PDGFRA: variants seen among roughly 807,000 people sequenced by gnomAD.
PDGFRA encodes the protein platelet derived growth factor receptor alpha.
In PDGFRA, 25 loss-of-function variants were observed where a neutral mutation model predicts 121.5. The ratio of observed to expected loss-of-function variants is 0.21; its 90% confidence interval spans 0.15 to 0.29. The LOEUF (loss-of-function observed/expected upper bound fraction) is 0.29, where lower values mean the gene tolerates loss of function less well. Ranked by LOEUF, PDGFRA falls within the 10% of genes least tolerant of loss-of-function variation. PDGFRA has a pLI of 1.00. For synonymous variants in PDGFRA, 463 were observed against 494.8 expected (o/e 0.94, Z 0.85); for missense variants, 1,008 against 1,345.1 (o/e 0.75, Z 3.92).
intron 22 of PDGFRA, 123 bp downstream of exon 22, chr4:54,290,677 G>A: frequency 1.8e-6 from 2 of 1,115,770 alleles, no homozygotes; most frequent in Non-Finnish European, 2.7e-6. Flanking sequence ...GGGACAAGTT[G>A]CAGAATCCTC....
At chr4:54,278,226 A>T (rs1362829204) in intron 14 of PDGFRA, 136 bp from the exon 15 acceptor site, 1 of 312 alleles carries the variant, frequency 3.2e-3, no homozygotes, top group African/African-American at 0.015. Flanking sequence ...TCTTTATTAA[A>T]AAAAAAAAAA....
In PDGFRA at chr4:54,272,494, G is replaced by C; in HGVS notation, c.1338G>C (p.Glu446Asp). Residue 446 changes from glutamate to aspartate, a missense_variant, in exon 9 of 23, where the codon GAG becomes GAC. By Grantham distance (45) the Glu-to-Asp change is conservative. This residue lies in a region of PDGFRA where 575 missense variants were observed against 701.8 expected (regional missense o/e 0.82). Coordinates refer to ENST00000257290, the MANE Select transcript of PDGFRA (RefSeq NM_006206.6). ...TAEGTPLPDI[E>D]WMICKDIKKC... is the part of the protein sequence containing the mutation. Reference sequence around the variant, plus strand: ...AAGGCACGCCGCTTCCTGATATTGAGTGGATGATATGCAAAGATATTAAGA... The same window carrying C: ...AAGGCACGCCGCTTCCTGATATTGACTGGATGATATGCAAAGATATTAAGA... 1 of 1,614,086 alleles carries C rather than the reference G, an allele frequency of 6.2e-7. No homozygotes were observed. Among genetic ancestry groups the C allele is most frequent in the Admixed American group, 1.7e-5 (1 of 60,032 alleles).
chr4:54,240,051 C>T (rs1721216060), intron 1 of PDGFRA: 3 of 420,400 alleles, frequency 7.1e-6, no homozygotes, highest in Non-Finnish European at 1.5e-5. Flanking sequence ...CGGGGTTTTG[C>T]CATGCTGCCT....
chr4:54,288,825 G>A lies in PDGFRA; in HGVS notation c.2701G>A (p.Val901Met), dbSNP rs1577745988. Residue 901 changes from valine (V) to methionine (M), a missense_variant, in exon 20 of 23, where the codon GTG becomes ATG. Val to Met is a conservative substitution (Grantham distance 21). This residue lies in a region of PDGFRA where 204 missense variants were observed against 243.0 expected (regional missense o/e 0.84). Transcript: ENST00000257290. ...TGGCACCCCTTACCCCGGCATGATG[G>A]TGGATTCTACTTTCTACAATAAGAT... Reference protein sequence around the residue: ...LGGTPYPGMMVDSTFYNKIKS... With the variant: ...LGGTPYPGMMMDSTFYNKIKS... The A allele has an allele frequency of 6.2e-7, 1 of 1,613,098 alleles. No individual in the cohort carries two copies. Among genetic ancestry groups the A allele is most frequent in the Non-Finnish European group, 8.5e-7 (1 of 1,178,990 alleles).
intron 7 of PDGFRA, among the ~76,000 whole-genome samples, chr4:54,269,584 C>T (rs147661106): frequency 1.7e-3 from 253 of 149,694 alleles, no homozygotes; most frequent in African/African-American, 6.0e-3. Flanking sequence ...GGAAGTTTCT[C>T]TTTAATAAAG....
chr4:54,264,736 G>T, intron 4 of PDGFRA, 183 bp from the exon 5 acceptor site: 1 of 568,038 alleles, frequency 1.8e-6, no homozygotes, highest in Non-Finnish European at 3.1e-6. Flanking sequence ...ATAACTATAT[G>T]CCTAATTGTT....
Position 54,275,083 on chromosome 4 carries a change from G to A in PDGFRA, c.1786+110G>A, listed in dbSNP as rs536943016. On this transcript the variant is annotated intron_variant, in intron 12 of 22. Coordinates refer to ENST00000257290, the MANE Select transcript of PDGFRA (RefSeq NM_006206.6). ...CTGAGCTTGTGCTTAGTAAGAACTA[G>A]GCAATGGAAATTTGCTTTCAGAAAT... 3.3e-5 allele frequency: 38 copies of A among 1,168,736 alleles called. No homozygotes were observed. The African/African-American group carries it at 4.7e-4, about 14-fold the overall frequency. 72.4% of individuals were successfully genotyped at this position (1,168,736 alleles called of 1,614,324 possible).
At position 54,289,036 on chromosome 4, in the gene PDGFRA, C is replaced by T; in HGVS notation, c.2802C>T (p.Asn934=). 6.2e-7 allele frequency: 1 copy of T among 1,611,000 alleles called. No homozygotes were observed. Among genetic ancestry groups the T allele is most frequent in the Non-Finnish European group, 8.5e-7 (1 of 1,177,214 alleles). ...EVYEIMVKCW[N]SEPEKRPSFY... is the part of the protein sequence containing the mutation. Reference sequence around the variant, plus strand: ...ACGAGATCATGGTGAAATGCTGGAACAGTGAGCCGGAGAAGAGACCCTCCT... The same window carrying T: ...ACGAGATCATGGTGAAATGCTGGAATAGTGAGCCGGAGAAGAGACCCTCCT... The change falls in exon 21 of 23, where the codon AAC becomes AAT. Residue 934 remains asparagine (N), a synonymous_variant. Transcript: ENST00000257290.
At chr4:54,287,636 A>C in intron 19 of PDGFRA, 95 bp downstream of exon 19, 1 of 762,488 alleles carries the variant, frequency 1.3e-6, no homozygotes. Flanking sequence ...GACAGTGTTA[A>C]GATAACCTGG....
chr4:54,260,413 T>TG (rs869181694), intron 2 of PDGFRA, among the ~76,000 whole-genome samples: 49 of 138,790 alleles, frequency 3.5e-4, no homozygotes, highest in African/African-American at 7.9e-4. Context: ...TTTTTTTTTT[T>TG]TTTTTTTTTT....
intron 5 of PDGFRA, chr4:54,265,317 A>C: frequency 2.4e-6 from 1 of 421,918 alleles, no homozygotes; most frequent in Non-Finnish European, 4.4e-6. Flanking sequence ...AGACAGAAAT[A>C]GGAAGGTTCT....
At position 54,267,722 on chromosome 4, in the gene PDGFRA, G is replaced by A; in HGVS notation, c.1102G>A (p.Glu368Lys). 6.2e-7 allele frequency: 1 copy of A among 1,613,958 alleles called. No homozygotes were observed. The highest frequency in any genetic ancestry group is 8.5e-7 in the Non-Finnish European group (1 of 1,179,908). Residue 368 changes from glutamate (E) to lysine (K), a missense_variant, in exon 7 of 23, where the codon GAA (glutamate) becomes AAA (lysine). By Grantham distance (56) the Glu-to-Lys change is moderately conservative. Around this residue, in one of 5 missense-constraint regions of PDGFRA, gnomAD observed 575 missense variants for 701.8 expected, o/e 0.82. Coordinates refer to ENST00000257290, the MANE Select transcript of PDGFRA (RefSeq NM_006206.6). Reference protein sequence around the residue: ...ENLTEITTDVEKIQEIRYRSK... With the variant: ...ENLTEITTDVKKIQEIRYRSK... ...TCTCACTGAGATCACCACTGATGTG[G>A]AAAAGATTCAGGAAATAAGGTAAAG...
chr4:54,261,963 C>T (rs1177293549), intron 3 of PDGFRA, among the ~76,000 whole-genome samples: 8 of 135,556 alleles, frequency 5.9e-5, no homozygotes, highest in Admixed American at 5.7e-4. Context: ...GGGTCTCACT[C>T]TGTTGCCCAG....
chr4:54,259,591 T>G (rs1722575119), intron 2 of PDGFRA, among the ~76,000 whole-genome samples: 1 of 152,250 alleles, frequency 6.6e-6, no homozygotes, highest in African/African-American at 2.4e-5. Flanking sequence ...ATGTTCGCCA[T>G]GAAACCAGTG....
At chr4:54,265,970 C>T (rs928935312) in intron 5 of PDGFRA, among the ~76,000 whole-genome samples, 17 of 152,144 alleles carry the variant, frequency 1.1e-4, no homozygotes, top group African/African-American at 1.9e-4. Flanking sequence ...ATGCATTTGC[C>T]GCTGCTTTTC....
intron 1 of PDGFRA, among the ~76,000 whole-genome samples, chr4:54,236,043 G>A (rs1720988863): frequency 6.6e-6 from 1 of 152,222 alleles, no homozygotes; most frequent in South Asian, 2.1e-4. Context: ...GAGTCAACAG[G>A]GCGGGGGGTC....
At chr4:54,281,563 G>C (rs1242431710) in intron 16 of PDGFRA, 1 of 1,339,898 alleles carries the variant, frequency 7.5e-7, no homozygotes, top group Non-Finnish European at 9.8e-7. Context: ...GTTAAAAATA[G>C]TTTACATTGC....
At chr4:54,278,604 C>A (rs2110318111) in intron 15 of PDGFRA, 89 bp downstream of exon 15, 1 of 1,307,446 alleles carries the variant, frequency 7.6e-7, no homozygotes, top group Non-Finnish European at 1.1e-6. Flanking sequence ...ATCATGTCTG[C>A]AGATTCAGTG....
rs1724938915 is a variant in PDGFRA at position 54,297,636 on chromosome 4, A to G, written c.*2364A>G. 4.3e-6 allele frequency: 1 copy of G among 233,478 alleles called. No individual in the cohort carries two copies. Among genetic ancestry groups the G allele is most frequent in the African/African-American group, 2.2e-5 (1 of 45,290 alleles). The allele number at this position is 233,478 out of a possible 1,614,324, so 14.5% of individuals were successfully genotyped here. A position where few individuals can be genotyped will look rare whatever the true frequency, so the allele number is the denominator to read the frequency against. On this transcript the variant is annotated 3_prime_UTR_variant, in exon 23 of 23. Transcript: ENST00000257290. ...AGTCCTAACAAATGCTCCCACCTGAATTTGTATATGACTGCATTTGTGTGT... is the reference window on the plus strand; with the variant it reads ...AGTCCTAACAAATGCTCCCACCTGAGTTTGTATATGACTGCATTTGTGTGT...
Sources: gnomAD v4.1 joint callset for allele counts (sites outside exome capture counted in the v4.1 genomes callset) on GRCh38, gnomAD v4.1.1 for gene constraint, gnomAD v4.1.1 regional missense constraint, MANE v1.5 for transcripts, NCBI Gene and HGNC (gene_info 2026-07-23, HGNC 2026-07-21) for gene names.